TLR1: variants seen among roughly 807,000 people sequenced by gnomAD.
The protein encoded by TLR1 is toll like receptor 1.
Under a neutral mutation model 20.2 loss-of-function variants are expected in TLR1, and 19 were observed. The observed-to-expected ratio is 0.94, with a 90% CI of 0.66 to 1.38. The LOEUF (loss-of-function observed/expected upper bound fraction) is 1.38, where lower values mean the gene tolerates loss of function less well. TLR1 is among the 40% of genes most tolerant of loss of function. TLR1 has a pLI of 0.00. For missense variants in TLR1, 921 were observed against 910.0 expected, an observed-to-expected ratio of 1.01 and a Z score of -0.16; for synonymous variants, 320 against 334.5, an observed-to-expected ratio of 0.96 and a Z score of 0.47.
Position 38,799,061 on chromosome 4 carries a change from G to A in TLR1, c.-67-163C>T, listed in dbSNP as rs183976409. ...TAAAACTAGAGAAGTATATATATTG[G>A]TAAATAATGATGCCAGCTCTAATCA... On this transcript the variant is annotated intron_variant, in intron 3 of 3. Coordinates refer to ENST00000308979, the MANE Select transcript of TLR1 (RefSeq NM_003263.4). Among the ~76,000 whole-genome samples, 1,427 of 152,266 alleles carry A rather than the reference G, an allele frequency of 9.4e-3. 16 individuals carry two copies. Among genetic ancestry groups the A allele is most frequent in the Non-Finnish European group, 0.014 (981 of 68,016 alleles).
At chr4:38,794,377 T>C (rs916956084), downstream of TLR1, among the ~76,000 whole-genome samples, 2 of 152,220 alleles carry the variant, frequency 1.3e-5, no homozygotes, top group Non-Finnish European at 2.9e-5. Context: ...ATGACTTTCC[T>C]CTATTTTCAA....
Position 38,797,848 on chromosome 4 carries a change from G to T in TLR1, c.984C>A (p.Ile328=). The T allele has an allele frequency of 1.9e-6, 3 of 1,614,026 alleles. No homozygotes were observed. Among genetic ancestry groups the T allele is most frequent in the African/African-American group, 1.3e-5 (1 of 75,050 alleles). ...YIYEIFSNMN[I]KNFTVSGTRM... ...GTGTACCAGACACTGTGAAATTTTT[G>T]ATGTTCATATTCGAAAAGATTTCAT... Residue 328 remains isoleucine (I), a synonymous_variant, in exon 4 of 4, where the codon ATC becomes ATA. Coordinates refer to ENST00000308979, the MANE Select transcript of TLR1 (RefSeq NM_003263.4).
At position 38,798,274 on chromosome 4, in the gene TLR1, G is replaced by A. The variant is rs1186384037; in HGVS notation, c.558C>T (p.Asp186=). ...GEKEDPEGLQ[D]FNTESLHIVF... ...CAATGTGCAGACTCTCAGTGTTAAAGTCTTGAAGGCCCTCAGGGTCTTCTT... is the reference window on the plus strand; with the variant it reads ...CAATGTGCAGACTCTCAGTGTTAAAATCTTGAAGGCCCTCAGGGTCTTCTT... The change falls in exon 4 of 4, where the codon GAC becomes GAT. Residue 186 remains aspartate, a synonymous_variant. Coordinates refer to ENST00000308979, the MANE Select transcript of TLR1 (RefSeq NM_003263.4). 2.5e-6 allele frequency: 4 copies of A among 1,612,040 alleles called. No homozygotes were observed. The highest frequency in any genetic ancestry group is 3.4e-6 in the Non-Finnish European group (4 of 1,178,640).
downstream of TLR1, chr4:38,794,541 G>T (rs1725906930): frequency 6.6e-6 from 1 of 151,118 alleles, no homozygotes. Flanking sequence ...ACCTGCCTTT[G>T]CTCTCTTTAT....
At chr4:38,789,652 G>T (rs569328289), downstream of TLR1, among the ~76,000 whole-genome samples, 1 of 151,966 alleles carries the variant, frequency 6.6e-6, no homozygotes, top group Admixed American at 6.6e-5. Flanking sequence ...TAGTAGAGCC[G>T]GGGTTTCACC....
chr4:38,795,828 G>A (rs563394559), downstream of TLR1, among the ~76,000 whole-genome samples: 1 of 152,360 alleles, frequency 6.6e-6, no homozygotes, highest in Non-Finnish European at 1.5e-5. Flanking sequence ...AACTCAGGGA[G>A]AGTGTAAAGT....
At chr4:38,801,435 T>C (rs2109364892) in intron 2 of TLR1, among the ~76,000 whole-genome samples, 1 of 152,346 alleles carries the variant, frequency 6.6e-6, no homozygotes, top group African/African-American at 2.4e-5. Flanking sequence ...TTCTGGTACT[T>C]TGTTACAGCA....
chr4:38,805,212 G>C (rs1353106767), upstream of TLR1: 1 of 152,218 alleles, frequency 6.6e-6, no homozygotes, highest in African/African-American at 2.4e-5. Flanking sequence ...AGTGGAAAGA[G>C]GGAGGGGTCG....
At chr4:38,791,309 C>T (rs1310513253), downstream of TLR1, 1 of 152,170 alleles carries the variant, frequency 6.6e-6, no homozygotes, top group Admixed American at 6.5e-5. Flanking sequence ...AATGAGAAAT[C>T]TTGGGGACAC....
intron 2 of TLR1, among the ~76,000 whole-genome samples, chr4:38,801,249 T>C (rs1001338522): frequency 1.3e-5 from 2 of 152,152 alleles, no homozygotes; most frequent in Admixed American, 6.5e-5. Context: ...TTAGTACCTT[T>C]ATAAAAAAGA....
chr4:38,796,893 C>A lies in TLR1; in HGVS notation c.1939G>T (p.Asp647Tyr), dbSNP rs751096819. Residue 647 changes from aspartate (D) to tyrosine (Y), a missense_variant, in exon 4 of 4, where the codon GAT (aspartate) becomes TAT (tyrosine). Coordinates refer to ENST00000308979, the MANE Select transcript of TLR1 (RefSeq NM_003263.4). ...AATTCATTCTTCACCCAGAAAGAAT[C>A]GTGCCCACTATATGAAATAAATGCA... ...FHAFISYSGHDSFWVKNELLP... is the reference protein window; with the variant it reads ...FHAFISYSGHYSFWVKNELLP... 1 of 1,614,228 alleles carries A rather than the reference C, an allele frequency of 6.2e-7. No individual in the cohort carries two copies. Among genetic ancestry groups the A allele is most frequent in the African/African-American group, 1.3e-5 (1 of 75,048 alleles).
At chr4:38,796,224 C>T, downstream of TLR1, 1 of 464,748 alleles carries the variant, frequency 2.2e-6, no homozygotes, top group Non-Finnish European at 3.8e-6. Context: ...AAATTCAGAA[C>T]TCAGTTATAG....
Position 38,798,143 on chromosome 4 carries a change from C to G in TLR1, c.689G>C (p.Cys230Ser). The G allele has an allele frequency of 6.2e-7, 1 of 1,613,886 alleles. No homozygotes were observed. Among genetic ancestry groups the G allele is most frequent in the Non-Finnish European group, 8.5e-7 (1 of 1,179,860 alleles). The stretch of plus-strand genomic sequence containing the variant: ...CGCCAGAATACTTAGGAAGTAAGAA[C>G]ATTTGTTATCTTCTAGCACACATTT... ...NIKCVLEDNK[C>S]SYFLSILAKL... The change falls in exon 4 of 4, where the codon TGT becomes TCT. Residue 230 changes from cysteine to serine, a missense_variant. By Grantham distance (112) the Cys-to-Ser change is moderately radical. Transcript: ENST00000308979.
chr4:38,803,022 T>C (rs1001750914), intron 2 of TLR1, among the ~76,000 whole-genome samples: 1 of 152,234 alleles, frequency 6.6e-6, no homozygotes, highest in South Asian at 2.1e-4. Flanking sequence ...CAGCTCGGCT[T>C]GCTTGTACCC....
chr4:38,797,621 T>C lies in TLR1; in HGVS notation c.1211A>G (p.Asp404Gly). ...TTQMKSLQQL[D>G]ISQNSVSYDE... The stretch of plus-strand genomic sequence containing the variant: ...ATAGCTTACAGAATTCTGGCTAATA[T>C]CCAATTGTTGCAGAGACTTCATCTG... The change falls in exon 4 of 4, where the codon GAT becomes GGT. Residue 404 changes from aspartate to glycine, a missense_variant. By Grantham distance (94) the Asp-to-Gly change is moderately conservative (BLOSUM62 -1). Transcript: ENST00000308979. The C allele has an allele frequency of 1.2e-6, 2 of 1,613,840 alleles. No homozygotes were observed. The highest frequency in any genetic ancestry group is 1.7e-6 in the Non-Finnish European group (2 of 1,180,016).
intron 2 of TLR1, among the ~76,000 whole-genome samples, chr4:38,801,974 A>T (rs1726689575): frequency 6.6e-6 from 1 of 152,200 alleles, no homozygotes; most frequent in South Asian, 2.1e-4. Flanking sequence ...AGATAGGTGG[A>T]TCACTTGAGG....
chr4:38,793,816 G>A (rs1001258464), downstream of TLR1, among the ~76,000 whole-genome samples: 1 of 151,990 alleles, frequency 6.6e-6, no homozygotes, highest in Non-Finnish European at 1.5e-5. Flanking sequence ...TAAGGTTGTT[G>A]GGAGATGTAC....
Position 38,798,328 on chromosome 4 carries a change from C to A in TLR1, c.504G>T (p.Leu168Phe). Reference sequence around the variant, plus strand: ...CCCCATAAGTCTCTCCTAAGACCAGCAAGACCTTGCTGATATTCAAATGAG... The same window carrying A: ...CCCCATAAGTCTCTCCTAAGACCAGAAAGACCTTGCTGATATTCAAATGAG... ...PIAHLNISKVLLVLGETYGEK... is the reference protein window; with the variant it reads ...PIAHLNISKVFLVLGETYGEK... The change falls in exon 4 of 4, where the codon TTG becomes TTT. Residue 168 changes from leucine (L) to phenylalanine (F), a missense_variant. Transcript: ENST00000308979. 6.2e-7 allele frequency: 1 copy of A among 1,613,920 alleles called. No homozygotes were observed. Among genetic ancestry groups the A allele is most frequent in the Non-Finnish European group, 8.5e-7 (1 of 1,179,910 alleles).
downstream of TLR1, among the ~76,000 whole-genome samples, chr4:38,795,261 G>A (rs1278524870): frequency 5.3e-5 from 8 of 152,202 alleles, no homozygotes; most frequent in African/African-American, 1.9e-4. Flanking sequence ...AGTGGTATCA[G>A]TGAAGTCATG....
Sources: allele counts gnomAD v4.1 joint callset (sites outside exome capture counted in the v4.1 genomes callset), GRCh38; gene constraint gnomAD v4.1.1; transcripts MANE v1.5; gene names NCBI Gene and HGNC (gene_info 2026-07-23, HGNC 2026-07-21).